DPP4: variants seen among roughly 807,000 people sequenced by gnomAD.
The protein encoded by DPP4 is dipeptidyl peptidase 4.
Under a neutral mutation model 122.4 loss-of-function variants are expected in DPP4, and 93 were observed. The observed-to-expected ratio is 0.76, with a 90% confidence interval of 0.64 to 0.90. The LOEUF (loss-of-function observed/expected upper bound fraction) is 0.90, where lower values mean the gene tolerates loss of function less well. Ranked by LOEUF, DPP4 falls within the 40% of genes least tolerant of loss-of-function variation. The pLI is 0.00. For missense variants in DPP4, 914 were observed against 907.3 expected (o/e 1.01, Z -0.09); for synonymous variants, 321 against 302.9 (o/e 1.06, Z -0.62).
At chr2:162,034,993 T>A (rs569221421) in intron 9 of DPP4, among the ~76,000 whole-genome samples, 171 bp downstream of exon 9, 2 of 152,294 alleles carry the variant, frequency 1.3e-5, no homozygotes, top group South Asian at 4.1e-4. Context: ...CACTCTTTCC[T>A]GGGATAATAA....
chr2:162,033,208 T>C (rs1028388296), intron 10 of DPP4, among the ~76,000 whole-genome samples: 3 of 152,208 alleles, frequency 2.0e-5, no homozygotes, highest in Admixed American at 6.5e-5. Flanking sequence ...CATTTTGCTC[T>C]GCTCAGGTTT....
At chr2:161,998,218 C>G (rs1169915423) in intron 23 of DPP4, among the ~76,000 whole-genome samples, 1 of 152,152 alleles carries the variant, frequency 6.6e-6, no homozygotes, top group Admixed American at 6.5e-5. Flanking sequence ...AAATAAATCT[C>G]CCTAAAAGAC....
intron 2 of DPP4, among the ~76,000 whole-genome samples, chr2:162,048,005 A>AT (rs1014661770): frequency 6.6e-6 from 1 of 152,074 alleles, no homozygotes; most frequent in Non-Finnish European, 1.5e-5. Flanking sequence ...GACTAGGTAC[A>AT]TTTTAAGTCA....
At chr2:162,071,141 A>T (rs1045056235) in intron 2 of DPP4, among the ~76,000 whole-genome samples, 1 of 152,036 alleles carries the variant, frequency 6.6e-6, no homozygotes, top group Non-Finnish European at 1.5e-5. Context: ...TCAAAACATC[A>T]TTCACTGCAT....
At chr2:162,027,958 G>T (rs1179133083) in intron 10 of DPP4, among the ~76,000 whole-genome samples, 1 of 151,928 alleles carries the variant, frequency 6.6e-6, no homozygotes, top group African/African-American at 2.4e-5. Context: ...GTTCACCCGT[G>T]GCGCAGACAG....
intron 20 of DPP4, 60 bp downstream of exon 20, chr2:162,011,733 G>A: frequency 1.3e-6 from 2 of 1,532,112 alleles, no homozygotes; most frequent in Non-Finnish European, 1.8e-6. Flanking sequence ...GCTTTAAAAT[G>A]TAAATTTTAA....
chr2:162,053,434 A>T (rs192397333), intron 2 of DPP4, among the ~76,000 whole-genome samples: 1 of 152,248 alleles, frequency 6.6e-6, no homozygotes, highest in African/African-American at 2.4e-5. Context: ...CTTTAAAAAA[A>T]AAAAACAAAA....
At chr2:162,038,538 T>C in intron 7 of DPP4, 116 bp from the exon 8 acceptor site, 2 of 1,154,002 alleles carry the variant, frequency 1.7e-6, no homozygotes, top group Non-Finnish European at 2.4e-6. Flanking sequence ...AAATATTCCA[T>C]TCAAACAGGA....
intron 17 of DPP4, 94 bp from the exon 18 acceptor site, chr2:162,016,960 G>T: frequency 7.1e-7 from 1 of 1,411,836 alleles, no homozygotes; most frequent in Non-Finnish European, 9.8e-7. Flanking sequence ...TTCACTGATC[G>T]GACTACACAT....
intron 8 of DPP4, among the ~76,000 whole-genome samples, chr2:162,035,879 A>T (rs1368589907): frequency 2.0e-5 from 3 of 152,188 alleles, no homozygotes; most frequent in Non-Finnish European, 4.4e-5. Context: ...ACTGAGAAAC[A>T]TCTCCTTGCC....
chr2:162,056,179 A>G (rs1684567820), intron 2 of DPP4, among the ~76,000 whole-genome samples: 1 of 152,228 alleles, frequency 6.6e-6, no homozygotes, highest in South Asian at 2.1e-4. Context: ...TAGCAATGAT[A>G]CCATCTAACT....
intron 5 of DPP4, among the ~76,000 whole-genome samples, chr2:162,041,997 G>A (rs1390130417): frequency 3.3e-5 from 5 of 152,148 alleles, no homozygotes; most frequent in African/African-American, 1.2e-4. Context: ...GAGGCAGAGA[G>A]GATTATGGAA....
At chr2:162,044,085 T>G (rs1684090808) in intron 5 of DPP4, among the ~76,000 whole-genome samples, 2 of 152,162 alleles carry the variant, frequency 1.3e-5, no homozygotes, top group African/African-American at 4.8e-5. Context: ...TGTTTACTGA[T>G]CTGGGGATTG....
intron 23 of DPP4, among the ~76,000 whole-genome samples, chr2:161,997,757 T>C (rs1236442026): frequency 6.6e-6 from 1 of 152,194 alleles, no homozygotes; most frequent in African/African-American, 2.4e-5. Flanking sequence ...ATCAAATCCT[T>C]GCAATATTTG....
chr2:162,052,229 A>G (rs111527599), intron 2 of DPP4, among the ~76,000 whole-genome samples: 7,325 of 151,670 alleles, frequency 0.048, 364 homozygotes, highest in African/African-American at 0.12. Context: ...GAGGCAGGAA[A>G]ATTGCTTGAA....
intron 14 of DPP4, among the ~76,000 whole-genome samples, chr2:162,019,612 C>G (rs559722917): frequency 6.6e-6 from 1 of 151,912 alleles, no homozygotes; most frequent in African/African-American, 2.4e-5. Flanking sequence ...TCATTGATCC[C>G]GATCGTTGTA....
chr2:162,052,221 G>A (rs1425092681), intron 2 of DPP4, among the ~76,000 whole-genome samples: 1 of 151,156 alleles, frequency 6.6e-6, no homozygotes, highest in African/African-American at 2.4e-5. Flanking sequence ...AGGAGGCTGA[G>A]GCAGGAAAAT....
At chr2:162,017,244 C>A in intron 16 of DPP4, 89 bp from the exon 17 acceptor site, 1 of 1,088,860 alleles carries the variant, frequency 9.2e-7, no homozygotes, top group Non-Finnish European at 1.3e-6. Flanking sequence ...CCATTTGTTA[C>A]CATTTAACTT....
chr2:162,021,641 A>G (rs1195482802), intron 12 of DPP4: 2 of 152,244 alleles, frequency 1.3e-5, no homozygotes, highest in African/African-American at 2.4e-5. Flanking sequence ...TGTTCTCATT[A>G]CAGAGCTTTG....
Sources: allele counts gnomAD v4.1 joint callset (sites outside exome capture counted in the v4.1 genomes callset), GRCh38; gene constraint gnomAD v4.1.1; transcripts MANE v1.5; gene names NCBI Gene and HGNC (gene_info 2026-07-23, HGNC 2026-07-21).